The following FMNL3 variants were observed in gnomAD, a reference collection of about 807,000 sequenced individuals.
The protein encoded by FMNL3 is formin-like protein 3.
FMNL3 carries 57 observed loss-of-function variants against 119.6 expected under a neutral mutation model. The observed-to-expected ratio is 0.48, with a 90% CI of 0.39 to 0.59. The LOEUF is 0.59. Ranked by LOEUF, FMNL3 falls within the 20% of genes least tolerant of loss-of-function variation. The pLI is 0.00. For synonymous variants in FMNL3, 491 were observed against 507.3 expected, an observed-to-expected ratio of 0.97 and a Z score of 0.43; for missense variants, 1,053 against 1,323.5, an observed-to-expected ratio of 0.80 and a Z score of 3.17.
Position 49,644,017 on chromosome 12 carries a change from G to A in FMNL3, c.*1798C>T. Reference sequence around the variant, plus strand: ...CAAGAAGGAGAAGGTGAGGGGCAGGGGCCCTAGGCCAGTCAGCACGCTGGT... The same window carrying A: ...CAAGAAGGAGAAGGTGAGGGGCAGGAGCCCTAGGCCAGTCAGCACGCTGGT... On this transcript the variant is annotated 3_prime_UTR_variant, in exon 26 of 26. Coordinates refer to ENST00000335154, the MANE Select transcript of FMNL3 (RefSeq NM_175736.5). The A allele has an allele frequency of 1.9e-6, 3 of 1,614,114 alleles. No individual in the cohort carries two copies. The highest frequency in any genetic ancestry group is 2.5e-6 in the Non-Finnish European group (3 of 1,179,984).
chr12:49,637,510 CTA>C lies in FMNL3; in HGVS notation c.*8303_*8304del. 6.2e-7 allele frequency: 1 copy of C among 1,613,854 alleles called. No individual in the cohort carries two copies. The highest frequency in any genetic ancestry group is 8.5e-7 in the Non-Finnish European group (1 of 1,180,020). On this transcript the variant is annotated 3_prime_UTR_variant, in exon 26 of 26. Transcript: ENST00000335154. ...CTGCATGAGACAGGGCAGCTGCACT[CTA>C]TGTCCACCTGGATGGAGCTATATCC... is the stretch of plus-strand genomic sequence containing the variant.
intron 1 of FMNL3, among the ~76,000 whole-genome samples, chr12:49,698,202 T>C (rs1242373891): frequency 6.6e-6 from 1 of 152,126 alleles, no homozygotes; most frequent in Admixed American, 6.5e-5. Flanking sequence ...AGTACGTATC[T>C]TCCCTGTTGG....
Position 49,639,647 on chromosome 12 carries a change from C to T in FMNL3, c.*6168G>A. ...ATCTTTTTTATGCATAAAGGTTCTA[C>T]ATAAGATTTCTATTTTAATAAACTG... On this transcript the variant is annotated 3_prime_UTR_variant, in exon 26 of 26. Coordinates refer to ENST00000335154, the MANE Select transcript of FMNL3 (RefSeq NM_175736.5). 6.6e-6 allele frequency: 1 copy of T among 151,406 alleles called. No individual in the cohort carries two copies. The highest frequency in any genetic ancestry group is 1.9e-4 in the East Asian group (1 of 5,134). 9.4% of individuals were successfully genotyped at this position (151,406 alleles called of 1,614,324 possible).
intron 4 of FMNL3, among the ~76,000 whole-genome samples, chr12:49,662,733 C>T (rs1367816614): frequency 1.3e-5 from 2 of 152,178 alleles, no homozygotes; most frequent in Admixed American, 6.5e-5. Context: ...CCCCCTCAGC[C>T]AGGAAGGTAG....
intron 6 of FMNL3, 120 bp downstream of exon 6, chr12:49,658,322 C>G (rs964812972): frequency 3.5e-5 from 48 of 1,381,310 alleles, no homozygotes; most frequent in Non-Finnish European, 4.6e-5. Context: ...AGGCAGAGGG[C>G]AAGAGAGCTG....
chr12:49,693,478 A>T (rs1288075557), intron 1 of FMNL3, among the ~76,000 whole-genome samples: 2 of 151,530 alleles, frequency 1.3e-5, no homozygotes, highest in African/African-American at 4.9e-5. Flanking sequence ...CCCAGGTTCA[A>T]GTGATTCTCG....
intron 4 of FMNL3, among the ~76,000 whole-genome samples, chr12:49,664,114 G>A (rs908304478): frequency 6.6e-6 from 1 of 152,200 alleles, no homozygotes; most frequent in Non-Finnish European, 1.5e-5. Flanking sequence ...TGGGCGTGGT[G>A]GTACACGCCT....
At chr12:49,671,643 G>A (rs1944049290) in intron 1 of FMNL3, among the ~76,000 whole-genome samples, 1 of 152,226 alleles carries the variant, frequency 6.6e-6, no homozygotes, top group African/African-American at 2.4e-5. Context: ...GGGCTCCAAT[G>A]TCCTAAGGAA....
chr12:49,675,788 T>C (rs73305095), intron 1 of FMNL3, among the ~76,000 whole-genome samples: 8,968 of 152,282 alleles, frequency 0.059, 634 homozygotes, highest in African/African-American at 0.17. Context: ...GAAATCTTTT[T>C]TGACTCCTTA....
Position 49,645,693 on chromosome 12 carries a change from G to A in FMNL3, c.*122C>T, listed in dbSNP as rs1943152089. 2 of 782,268 alleles carry A rather than the reference G, an allele frequency of 2.6e-6. No individual in the cohort carries two copies. The highest frequency in any genetic ancestry group is 3.6e-5 in the African/African-American group (2 of 55,214). 48.5% of individuals were successfully genotyped at this position (782,268 alleles called of 1,614,324 possible). A position where few individuals can be genotyped will look rare whatever the true frequency, so the allele number is the denominator to read the frequency against. ...CAAGTAGAAAGATCCAGCCTCAAGA[G>A]CTGGGGCGGACATGGTTGAGAGAGC... On this transcript the variant is annotated 3_prime_UTR_variant, in exon 26 of 26. Transcript: ENST00000335154.
chr12:49,697,754 T>C (rs1157352579), intron 1 of FMNL3, among the ~76,000 whole-genome samples: 1 of 152,088 alleles, frequency 6.6e-6, no homozygotes, highest in Non-Finnish European at 1.5e-5. Flanking sequence ...TTGTCTCCTG[T>C]AAGCATCCTC....
In FMNL3 at chr12:49,657,148, G is replaced by T. The variant is rs908452574; in HGVS notation, c.648C>A (p.Arg216=). The T allele has an allele frequency of 1.9e-6, 3 of 1,614,024 alleles. No individual in the cohort carries two copies. In the African/African-American group the frequency reaches 4.0e-5, roughly 22 times the overall value. The part of the protein sequence containing the change: ...LPGRRALKNS[R]LVSQKDDVHV... The stretch of plus-strand genomic sequence containing the variant: ...GGACGTCATCCTTCTGGCTCACTAG[G>T]CGGGAGTTCTTCAGGGCCCTGCGCC... The change falls in exon 7 of 26, where the codon CGC becomes CGA. Residue 216 remains arginine, a synonymous_variant. Coordinates refer to ENST00000335154, the MANE Select transcript of FMNL3 (RefSeq NM_175736.5).
In FMNL3 at chr12:49,651,159, C is replaced by G. The variant is rs768984919; in HGVS notation, c.1797+9G>C. 1 of 1,611,970 alleles carries G rather than the reference C, an allele frequency of 6.2e-7. No homozygotes were observed. Among genetic ancestry groups the G allele is most frequent in the Non-Finnish European group, 8.5e-7 (1 of 1,178,110 alleles). ...CAACCTTAGCCCTCTGGACCCCAGGCCCTGTTACCTCCAAGATCTTCTCAT... is the reference window on the plus strand; with the variant it reads ...CAACCTTAGCCCTCTGGACCCCAGGGCCTGTTACCTCCAAGATCTTCTCAT... On this transcript the variant is annotated intron_variant, in intron 16 of 25. Transcript: ENST00000335154.
intron 5 of FMNL3, among the ~76,000 whole-genome samples, chr12:49,659,176 C>G (rs1383766101): frequency 2.6e-5 from 4 of 152,202 alleles, no homozygotes; most frequent in African/African-American, 4.8e-5. Context: ...TTTGGAGGAG[C>G]ACCACTGCCC....
intron 1 of FMNL3, among the ~76,000 whole-genome samples, chr12:49,704,758 T>C (rs1028781854): frequency 1.3e-5 from 2 of 149,830 alleles, no homozygotes; most frequent in Non-Finnish European, 3.0e-5. Context: ...ATAATCTATA[T>C]TGAGTACTTA....
rs531198486 is a variant in FMNL3 at position 49,696,959 on chromosome 12, C to A, written c.126+10096G>T. Reference sequence around the variant, plus strand: ...CATTCCTCCAGGCTGGCAGCCAGGGCTTCCTCAGCAAATCCAAAAATGGTC... The same window carrying A: ...CATTCCTCCAGGCTGGCAGCCAGGGATTCCTCAGCAAATCCAAAAATGGTC... On this transcript the variant is annotated intron_variant, in intron 1 of 25. Coordinates refer to ENST00000335154, the MANE Select transcript of FMNL3 (RefSeq NM_175736.5). 1.8e-4 allele frequency among the ~76,000 whole-genome samples: 27 copies of A among 152,324 alleles called. No individual in the cohort carries two copies. In the East Asian group the frequency reaches 5.2e-3, roughly 29 times the overall value.
chr12:49,651,587 G>T, intron 14 of FMNL3, 137 bp from the exon 15 acceptor site: 1 of 816,790 alleles, frequency 1.2e-6, no homozygotes, highest in Non-Finnish European at 1.7e-6. Context: ...CATGAACTCT[G>T]CTCAAGCTGC....
At chr12:49,665,801 A>G (rs1205862219) in intron 4 of FMNL3, 31 bp downstream of exon 4, 2 of 1,611,158 alleles carry the variant, frequency 1.2e-6, no homozygotes, top group Admixed American at 3.3e-5. Flanking sequence ...CTGGGGCCAG[A>G]TGAAGAGGCT....
At chr12:49,687,922 C>A (rs1349324652) in intron 1 of FMNL3, among the ~76,000 whole-genome samples, 1 of 152,160 alleles carries the variant, frequency 6.6e-6, no homozygotes, top group African/African-American at 2.4e-5. Flanking sequence ...CCTAACCCAC[C>A]CCAGAGCAAG....
Sources: allele counts gnomAD v4.1 joint callset (sites outside exome capture counted in the v4.1 genomes callset), GRCh38; gene constraint gnomAD v4.1.1; transcripts MANE v1.5; gene names NCBI Gene and HGNC (gene_info 2026-07-23, HGNC 2026-07-21).